KCNT2: variants seen among roughly 807,000 people sequenced by gnomAD.
The protein encoded by KCNT2 is potassium sodium-activated channel subfamily T member 2.
In KCNT2, 67 loss-of-function variants were observed where a neutral mutation model predicts 153.8. The ratio of observed to expected loss-of-function variants is 0.44; its 90% CI spans 0.36 to 0.53. The LOEUF (loss-of-function observed/expected upper bound fraction) is 0.53. KCNT2 is among the 20% of genes least tolerant of loss of function. KCNT2 has a pLI of 0.00. For missense variants in KCNT2, 975 were observed against 1,354.8 expected (o/e 0.72, Z 4.40); for synonymous variants, 500 against 458.8 (o/e 1.09, Z -1.15).
intron 14 of KCNT2, among the ~76,000 whole-genome samples, chr1:196,368,961 G>A (rs551022371): frequency 6.6e-6 from 1 of 152,200 alleles, no homozygotes; most frequent in East Asian, 1.9e-4. Context: ...TAAGTGAGGA[G>A]ATTTTCTTTT....
At chr1:196,298,179 C>T (rs1267214406) in intron 22 of KCNT2, among the ~76,000 whole-genome samples, 25 of 152,106 alleles carry the variant, frequency 1.6e-4, no homozygotes, top group Non-Finnish European at 1.5e-5. Context: ...TCTGTTGCAT[C>T]AAGCGTGCAT....
In KCNT2 at chr1:196,304,612, G is replaced by A. The variant is rs754629567; in HGVS notation, c.2595+622C>T. Among the ~76,000 whole-genome samples the A allele has an allele frequency of 2.9e-4, 44 of 151,782 alleles. No individual in the cohort carries two copies. The Middle Eastern group carries it at 0.01, about 35-fold the overall frequency. The stretch of plus-strand genomic sequence containing the variant: ...CTATTTAGTAGTAAGTAAAAGCTGA[G>A]TGCAAAAACCATCTACACCCACACT... On this transcript the variant is annotated intron_variant, in intron 22 of 27. Coordinates refer to ENST00000294725, the MANE Select transcript of KCNT2 (RefSeq NM_198503.5).
intron 1 of KCNT2, among the ~76,000 whole-genome samples, chr1:196,584,751 T>G (rs544083326): frequency 6.6e-6 from 1 of 152,214 alleles, no homozygotes; most frequent in African/African-American, 2.4e-5. Context: ...AAAAGAACCT[T>G]GGGACTCAGG....
chr1:196,511,443 C>G (rs1183395882), intron 1 of KCNT2, among the ~76,000 whole-genome samples: 1 of 152,136 alleles, frequency 6.6e-6, no homozygotes, highest in Non-Finnish European at 1.5e-5. Flanking sequence ...TTCTTTCTTA[C>G]AGCAGAAATA....
intron 8 of KCNT2, among the ~76,000 whole-genome samples, chr1:196,438,596 T>C (rs1165204185): frequency 1.3e-5 from 2 of 151,934 alleles, no homozygotes; most frequent in African/African-American, 4.8e-5. Flanking sequence ...TGCCATCATT[T>C]ACAGAAACTG....
chr1:196,478,043 A>G (rs1678689111), intron 5 of KCNT2, among the ~76,000 whole-genome samples: 1 of 152,208 alleles, frequency 6.6e-6, no homozygotes, highest in Non-Finnish European at 1.5e-5. Context: ...GTGGATCCCA[A>G]TATGACTTCT....
chr1:196,539,839 T>TTTTA (rs1558055531), intron 1 of KCNT2, among the ~76,000 whole-genome samples: 3 of 151,548 alleles, frequency 2.0e-5, no homozygotes, highest in African/African-American at 7.3e-5. Context: ...TAAAAGTGTA[T>TTTTA]TATATATATA....
intron 20 of KCNT2, among the ~76,000 whole-genome samples, chr1:196,317,750 C>T (rs1030910569): frequency 1.8e-4 from 27 of 151,696 alleles, no homozygotes; most frequent in Non-Finnish European, 3.2e-4. Flanking sequence ...TTGACCAAAA[C>T]TTCACTTTGA....
chr1:196,549,302 T>C (rs991252779), intron 1 of KCNT2, among the ~76,000 whole-genome samples: 1 of 151,922 alleles, frequency 6.6e-6, no homozygotes, highest in Non-Finnish European at 1.5e-5. Flanking sequence ...AAGTGAATTA[T>C]GATGTGGGAA....
intron 25 of KCNT2, among the ~76,000 whole-genome samples, chr1:196,276,954 A>T (rs188462209): frequency 1.3e-5 from 2 of 152,188 alleles, no homozygotes; most frequent in Admixed American, 1.3e-4. Context: ...TTCACTGTTT[A>T]ATTCACTGTT....
chr1:196,247,235 C>T (rs1655536096), intron 26 of KCNT2, among the ~76,000 whole-genome samples: 1 of 152,014 alleles, frequency 6.6e-6, no homozygotes, highest in Admixed American at 6.6e-5. Flanking sequence ...AAGGATGTAA[C>T]AATTGAAAAT....
intron 14 of KCNT2, among the ~76,000 whole-genome samples, chr1:196,344,011 C>A (rs1665915912): frequency 6.6e-6 from 1 of 152,148 alleles, no homozygotes; most frequent in Admixed American, 6.5e-5. Flanking sequence ...AACTCCCAAC[C>A]TCAGGCGATC....
intron 8 of KCNT2, among the ~76,000 whole-genome samples, chr1:196,437,006 A>C (rs12403571): frequency 0.021 from 2,312 of 108,572 alleles, 43 homozygotes; most frequent in Middle Eastern, 0.059. Flanking sequence ...TGACTGGGAA[A>C]TATACATATA....
At chr1:196,587,175 C>T (rs1183805838) in intron 1 of KCNT2, among the ~76,000 whole-genome samples, 1 of 151,978 alleles carries the variant, frequency 6.6e-6, no homozygotes, top group Non-Finnish European at 1.5e-5. Flanking sequence ...AATCGAATAA[C>T]AACATATTGA....
At chr1:196,397,226 T>C (rs1671013707) in intron 13 of KCNT2, among the ~76,000 whole-genome samples, 1 of 151,396 alleles carries the variant, frequency 6.6e-6, no homozygotes, top group African/African-American at 2.4e-5. Context: ...CATTCAAAAA[T>C]TTTGTCATAG....
At chr1:196,415,855 T>C (rs547185230) in intron 12 of KCNT2, among the ~76,000 whole-genome samples, 11 of 152,042 alleles carry the variant, frequency 7.2e-5, no homozygotes, top group Admixed American at 5.3e-4. Context: ...GATGTCCCAA[T>C]TCTGACACTG....
chr1:196,483,839 T>A (rs1291029297), intron 3 of KCNT2, among the ~76,000 whole-genome samples: 2 of 152,172 alleles, frequency 1.3e-5, no homozygotes, highest in Non-Finnish European at 2.9e-5. Context: ...CTCACCATTA[T>A]AAACCCAATG....
chr1:196,429,236 T>C (rs113762843), intron 9 of KCNT2, among the ~76,000 whole-genome samples: 8,659 of 152,038 alleles, frequency 0.057, 388 homozygotes, highest in Non-Finnish European at 0.085. Flanking sequence ...AAATCAACCC[T>C]TCACAAATTT....
At chr1:196,383,195 T>G (rs1345104097) in intron 13 of KCNT2, among the ~76,000 whole-genome samples, 1 of 151,810 alleles carries the variant, frequency 6.6e-6, no homozygotes, top group Admixed American at 6.5e-5. Context: ...GCCAGTTTTC[T>G]TTTTCTTTTT....
Sources: allele counts gnomAD v4.1 joint callset (sites outside exome capture counted in the v4.1 genomes callset), GRCh38; gene constraint gnomAD v4.1.1; transcripts MANE v1.5; gene names NCBI Gene and HGNC (gene_info 2026-07-23, HGNC 2026-07-21).